Variants in DOCK11 observed in about 807,000 individuals in gnomAD.
The protein encoded by DOCK11 is dedicator of cytokinesis 11.
In DOCK11, 70 loss-of-function variants were observed where a neutral mutation model predicts 169.1. That is an observed-to-expected ratio of 0.41 (90% CI 0.34 to 0.51). The LOEUF is 0.51. Among genes scored for constraint, DOCK11 ranks in the 20% least tolerant of loss-of-function variants. DOCK11 has a pLI of 0.10. For synonymous variants in DOCK11, 529 were observed against 541.3 expected, an observed-to-expected ratio of 0.98 and a Z score of 0.32; for missense variants, 1,166 against 1,538.8, an observed-to-expected ratio of 0.76 and a Z score of 4.05.
intron 6 of DOCK11, among the ~76,000 whole-genome samples, chrX:118,556,590 A>C (rs987333920): frequency 9.4e-6 from 1 of 106,346 alleles, no homozygotes; most frequent in East Asian, 3.0e-4. Context: ...CTCTACTAAA[A>C]ATAAAAATAA....
chrX:118,619,228 CTT>C (rs2014901019), intron 31 of DOCK11, among the ~76,000 whole-genome samples: 1 of 107,746 alleles, frequency 9.3e-6, no homozygotes, highest in Non-Finnish European at 1.9e-5. Context: ...AATCCCAGCA[CTT>C]TGGGAGGCTG....
At chrX:118,521,052 G>A (rs1202336053) in intron 1 of DOCK11, among the ~76,000 whole-genome samples, 1 of 111,388 alleles carries the variant, frequency 9.0e-6, no homozygotes, top group Non-Finnish European at 1.9e-5. Context: ...TACTCCCTCA[G>A]GTTCCGGTCT....
Position 118,524,492 on chromosome X carries a change from T to C in DOCK11, c.103-18233T>C, listed in dbSNP as rs918925073. Among the ~76,000 whole-genome samples the C allele has an allele frequency of 3.6e-5, 4 of 111,790 alleles. No homozygotes were observed. The South Asian group carries it at 1.1e-3, about 31-fold the overall frequency. On this transcript the variant is annotated intron_variant, in intron 1 of 52. Transcript: ENST00000276202. The stretch of plus-strand genomic sequence containing the variant: ...AAGTATTTGTAAAGCATATATCTGA[T>C]AAGAGATTAATGTCCAGAATAGATA...
At chrX:118,649,256 A>G in intron 41 of DOCK11, 129 bp downstream of exon 41, 1 of 457,923 alleles carries the variant, frequency 2.2e-6, no homozygotes, top group Non-Finnish European at 3.5e-6. Flanking sequence ...TGGCTAGTCT[A>G]AATTTAGATG....
At chrX:118,496,224 CG>C (rs1316944433) in intron 1 of DOCK11, 151 bp downstream of exon 1, 4 of 337,696 alleles carry the variant, frequency 1.2e-5, no homozygotes, top group Admixed American at 7.3e-5. Context: ...AGCCGCCGGC[CG>C]GGGTCCGAGT....
In DOCK11 at chrX:118,545,226, C is replaced by A. The variant is rs142159478; in HGVS notation, c.393-97C>A. On this transcript the variant is annotated intron_variant, in intron 4 of 52. Coordinates refer to ENST00000276202, the MANE Select transcript of DOCK11 (RefSeq NM_144658.4). The stretch of plus-strand genomic sequence containing the variant: ...GAAAGAAAGAAATCTGCTCATCTTG[C>A]TTTTACTGTTGTTGTCATTATTGTT... 2.6e-3 allele frequency: 1,426 copies of A among 543,024 alleles called. 22 individuals are homozygous for A. The East Asian group carries it at 0.053, about 20-fold the overall frequency. The allele number at this position is 543,024 out of a possible 1,213,427, so 44.8% of individuals were successfully genotyped here.
chrX:118,628,151 T>C lies in DOCK11; in HGVS notation c.3665-12T>C. On this transcript the variant is annotated splice_polypyrimidine_tract_variant and intron_variant, in intron 33 of 52. Transcript: ENST00000276202. Reference sequence around the variant, plus strand: ...TCTTGCCAACAAGGGCTTGACTTTTTTTTTTCCCCAGCTTATGGGTCTTTT... The same window carrying C: ...TCTTGCCAACAAGGGCTTGACTTTTCTTTTTCCCCAGCTTATGGGTCTTTT... 8.7e-7 allele frequency: 1 copy of C among 1,149,811 alleles called. No homozygotes were observed. Among genetic ancestry groups the C allele is most frequent in the East Asian group, 3.0e-5 (1 of 33,424 alleles). The allele number at this position is 1,149,811 out of a possible 1,213,427, so 94.8% of individuals were successfully genotyped here.
Position 118,509,501 on chromosome X carries a change from T to C in DOCK11, c.102+13428T>C, listed in dbSNP as rs12558247. On this transcript the variant is annotated intron_variant, in intron 1 of 52. Coordinates refer to ENST00000276202, the MANE Select transcript of DOCK11 (RefSeq NM_144658.4). ...CTGGTCTCGAACTCCTGACCTCAAG[T>C]GTTCCAACTGCCTCGGCCTCCCAAA... 8.8e-3 allele frequency among the ~76,000 whole-genome samples: 975 copies of C among 111,331 alleles called. 24 individuals are homozygous for C. Among genetic ancestry groups the C allele is most frequent in the Admixed American group, 0.081 (847 of 10,450 alleles).
At chrX:118,678,256 T>G (rs1417090593) in intron 48 of DOCK11, among the ~76,000 whole-genome samples, 5 of 112,135 alleles carry the variant, frequency 4.5e-5, no homozygotes, top group Admixed American at 2.8e-4. Context: ...CATTTTATCT[T>G]GTAGATGTAC....
chrX:118,639,679 A>G (rs752242495), intron 38 of DOCK11, 102 bp downstream of exon 38: 3 of 887,751 alleles, frequency 3.4e-6, no homozygotes, highest in South Asian at 6.0e-5. Flanking sequence ...CTTGATCATT[A>G]CACATTATAT....
chrX:118,648,825 T>C, intron 40 of DOCK11, 120 bp from the exon 41 acceptor site: 1 of 592,676 alleles, frequency 1.7e-6, no homozygotes, highest in Middle Eastern at 5.7e-4. Flanking sequence ...TGCCTTATGT[T>C]GATTTTGTAT....
Position 118,546,035 on chromosome X carries a change from A to G in DOCK11, c.477A>G (p.Leu159=), listed in dbSNP as rs201358890. ...TTCTATTTCAGGACTCATCTTCTTT[A>G]TGTTCTCAGAAGGGTGGTGTGATAA... is the stretch of plus-strand genomic sequence containing the variant. ...DCEKDEDSSS[L]CSQKGGVIKQ... Residue 159 remains leucine (L), a synonymous_variant, in exon 6 of 53, where the codon TTA becomes TTG. Coordinates refer to ENST00000276202, the MANE Select transcript of DOCK11 (RefSeq NM_144658.4). 8 of 1,201,711 alleles carry G rather than the reference A, an allele frequency of 6.7e-6. No individual in the cohort carries two copies. The highest frequency in any genetic ancestry group is 7.9e-6 in the Non-Finnish European group (7 of 889,975).
intron 1 of DOCK11, among the ~76,000 whole-genome samples, chrX:118,541,255 G>T (rs762066835): frequency 9.0e-6 from 1 of 111,202 alleles, no homozygotes; most frequent in Admixed American, 9.6e-5. Flanking sequence ...TTTTCTTTCC[G>T]CCCCCCGCTC....
chrX:118,643,484 A>ATAG lies in DOCK11; in HGVS notation c.4288_4289insTAG (p.Asn1430delinsIleAsp). On this transcript the variant is annotated protein_altering_variant, in exon 40 of 53. Transcript: ENST00000276202. ...CCAACTTTTAAATAATGATGGCCAT[A>ATAG]ACCCATTAATGAAAAAAGTGTTTGA... 8.3e-7 allele frequency: 1 copy of ATAG among 1,209,663 alleles called. No individual in the cohort carries two copies. Among genetic ancestry groups the ATAG allele is most frequent in the Non-Finnish European group, 1.1e-6 (1 of 894,005 alleles).
intron 45 of DOCK11, among the ~76,000 whole-genome samples, chrX:118,669,500 TTCTC>T (rs2016416502): frequency 8.9e-6 from 1 of 111,830 alleles, no homozygotes; most frequent in Non-Finnish European, 1.9e-5. Context: ...AGATGGTATC[TTCTC>T]ACTGTGCCCT....
intron 44 of DOCK11, among the ~76,000 whole-genome samples, chrX:118,662,256 C>T (rs961893242): frequency 2.4e-4 from 27 of 111,918 alleles, no homozygotes; most frequent in African/African-American, 8.8e-4. Flanking sequence ...CAACATCTCA[C>T]TTCCTCTCCC....
chrX:118,680,430 TAAAATAA>T (rs2016715634), intron 48 of DOCK11, 45 bp from the exon 49 acceptor site: 6 of 762,354 alleles, frequency 7.9e-6, no homozygotes, highest in East Asian at 4.3e-5. Context: ...TTCCACTGAA[TAAAATAA>T]AAAATAAAAT....
chrX:118,541,319 G>T (rs970217104), intron 1 of DOCK11, among the ~76,000 whole-genome samples: 1 of 111,862 alleles, frequency 8.9e-6, no homozygotes, highest in Non-Finnish European at 1.9e-5. Context: ...ACAGCTGTGG[G>T]TGCATGTACA....
At position 118,652,011 on chromosome X, in the gene DOCK11, A is replaced by G; in HGVS notation, c.4629A>G (p.Gly1543=). The change falls in exon 42 of 53, where the codon GGA becomes GGG. Residue 1543 remains glycine (G), a synonymous_variant. Transcript: ENST00000276202. ...SQLIADVALS[G]GSRFQESLFI... ...TGATAGCTGATGTAGCACTAAGCGG[A>G]GGATCAAGATTTCAGGAGTCTTTAT... The G allele has an allele frequency of 8.3e-7, 1 of 1,208,912 alleles. No homozygotes were observed. The highest frequency in any genetic ancestry group is 1.1e-6 in the Non-Finnish European group (1 of 893,775).
Sources: allele counts gnomAD v4.1 joint callset (sites outside exome capture counted in the v4.1 genomes callset), GRCh38; gene constraint gnomAD v4.1.1; transcripts MANE v1.5; gene names NCBI Gene and HGNC (gene_info 2026-07-23, HGNC 2026-07-21).